The following MACROD2 variants were observed in gnomAD, a reference collection of about 807,000 sequenced individuals.
MACROD2 encodes ADP-ribose glycohydrolase MACROD2.
A neutral mutation model predicts 70.4 loss-of-function variants in MACROD2; 36 were observed. That is an observed-to-expected ratio of 0.51 (90% confidence interval 0.39 to 0.68). The LOEUF (loss-of-function observed/expected upper bound fraction) is 0.68. Ranked by LOEUF, MACROD2 falls within the 30% of genes least tolerant of loss-of-function variation. MACROD2 has a pLI of 0.00. For synonymous variants in MACROD2, 172 were observed against 178.8 expected (o/e 0.96, Z 0.30); for missense variants, 496 against 538.4 (o/e 0.92, Z 0.78).
intron 15 of MACROD2, among the ~76,000 whole-genome samples, chr20:15,992,049 A>G (rs2066565807): frequency 6.6e-6 from 1 of 152,226 alleles, no homozygotes; most frequent in Admixed American, 6.5e-5. Flanking sequence ...AAAGTTAAAA[A>G]ACATAGAAGA....
At chr20:14,206,911 T>C (rs1297880336) in intron 3 of MACROD2, among the ~76,000 whole-genome samples, 1 of 152,188 alleles carries the variant, frequency 6.6e-6, no homozygotes, top group Non-Finnish European at 1.5e-5. Context: ...AAGAGATTTT[T>C]AAAATTTGTC....
intron 3 of MACROD2, among the ~76,000 whole-genome samples, chr20:14,475,153 G>A (rs2084576435): frequency 6.6e-6 from 1 of 151,564 alleles, no homozygotes; most frequent in East Asian, 1.9e-4. Context: ...GTTACCGTGA[G>A]GCTTGCATAA....
intron 5 of MACROD2, among the ~76,000 whole-genome samples, chr20:14,963,767 A>G (rs904641375): frequency 6.6e-6 from 1 of 152,168 alleles, no homozygotes; most frequent in African/African-American, 2.4e-5. Flanking sequence ...GTAGATTCAT[A>G]ATGATCAATC....
chr20:14,055,535 A>G (rs1371113138), intron 2 of MACROD2, among the ~76,000 whole-genome samples: 2 of 151,338 alleles, frequency 1.3e-5, no homozygotes, highest in Admixed American at 6.6e-5. Flanking sequence ...ATACATATAT[A>G]TACACATTTG....
intron 5 of MACROD2, among the ~76,000 whole-genome samples, chr20:14,734,343 G>GA (rs1181989175): frequency 2.0e-5 from 3 of 150,924 alleles, no homozygotes; most frequent in East Asian, 3.9e-4. Context: ...CTAAAAATAC[G>GA]AAAAAAAATT....
chr20:15,976,458 G>A (rs2066307594), intron 13 of MACROD2, among the ~76,000 whole-genome samples: 1 of 152,222 alleles, frequency 6.6e-6, no homozygotes, highest in Non-Finnish European at 1.5e-5. Flanking sequence ...AGAGGACAGT[G>A]GGGAGAATTC....
intron 5 of MACROD2, among the ~76,000 whole-genome samples, chr20:14,904,493 T>G (rs983914676): frequency 5.9e-5 from 9 of 152,144 alleles, no homozygotes; most frequent in African/African-American, 2.2e-4. Context: ...TATGCATATA[T>G]GTACATTAGT....
intron 4 of MACROD2, among the ~76,000 whole-genome samples, chr20:14,593,758 A>G (rs948349505): frequency 6.6e-6 from 1 of 152,182 alleles, no homozygotes; most frequent in Non-Finnish European, 1.5e-5. Flanking sequence ...GCATTTATAT[A>G]TTTATAAGAA....
chr20:14,180,870 A>T (rs2081299842), intron 3 of MACROD2, among the ~76,000 whole-genome samples: 1 of 152,106 alleles, frequency 6.6e-6, no homozygotes. Flanking sequence ...TTCATATTTT[A>T]AAGTTATTTT....
chr20:15,878,981 G>A (rs2064715099), intron 9 of MACROD2, among the ~76,000 whole-genome samples: 1 of 152,066 alleles, frequency 6.6e-6, no homozygotes, highest in Admixed American at 6.6e-5. Flanking sequence ...GAGATACAGT[G>A]AACAAAAACA....
chr20:14,223,728 G>A (rs1450359576), intron 3 of MACROD2, among the ~76,000 whole-genome samples: 3 of 152,016 alleles, frequency 2.0e-5, no homozygotes, highest in South Asian at 2.1e-4. Flanking sequence ...GGCTGGTCTC[G>A]ACCTTGTGAT....
intron 3 of MACROD2, among the ~76,000 whole-genome samples, chr20:14,458,033 A>G (rs375529): frequency 0.95 from 144,687 of 151,822 alleles, 69,402 homozygotes; most frequent in East Asian, 1. Context: ...CCCAGGAGGC[A>G]GAGTTTGCAG....
intron 3 of MACROD2, among the ~76,000 whole-genome samples, chr20:14,176,232 A>G (rs967163234): frequency 6.6e-6 from 1 of 152,232 alleles, no homozygotes; most frequent in Non-Finnish European, 1.5e-5. Flanking sequence ...CTGTGGTGAC[A>G]GAAGGCATTT....
In MACROD2 at chr20:14,494,496, ACATGTCAGTG is replaced by A. The variant is rs141777488; in HGVS notation, c.301+994_301+1003del. Among the ~76,000 whole-genome samples the A allele has an allele frequency of 1.5e-3, 229 of 152,288 alleles. 2 individuals are homozygous for A. The highest frequency in any genetic ancestry group is 5.3e-3 in the African/African-American group (220 of 41,584). Reference sequence around the variant, plus strand: ...ACTAGGAAGTGCTCTTCGTATTATCACATGTCAGTGCATGTTCTGTACCAGAGTATCATGA... The same window carrying A: ...ACTAGGAAGTGCTCTTCGTATTATCACATGTTCTGTACCAGAGTATCATGA... On this transcript the variant is annotated intron_variant, in intron 4 of 17. Transcript: ENST00000684519.
intron 9 of MACROD2, among the ~76,000 whole-genome samples, chr20:15,874,165 A>G (rs1001778745): frequency 3.4e-5 from 5 of 149,134 alleles, no homozygotes; most frequent in African/African-American, 1.2e-4. Context: ...AACATGCAGC[A>G]TTTGGTTTTC....
intron 9 of MACROD2, among the ~76,000 whole-genome samples, chr20:15,880,587 G>A (rs1273145977): frequency 6.6e-6 from 1 of 151,954 alleles, no homozygotes; most frequent in East Asian, 1.9e-4. Flanking sequence ...GTAGGAGTGA[G>A]GAGACTCAGG....
rs185635141 is a variant in MACROD2, at chr20:15,164,916, C to T, written c.419-65024C>T. Among the ~76,000 whole-genome samples the T allele has an allele frequency of 6.7e-3, 1,013 of 151,278 alleles. 9 individuals carry two copies. The highest frequency in any genetic ancestry group is 0.011 in the Non-Finnish European group (747 of 67,840). On this transcript the variant is annotated intron_variant, in intron 5 of 17. Coordinates refer to ENST00000684519, the MANE Select transcript of MACROD2 (RefSeq NM_001351661.2). Reference sequence around the variant, plus strand: ...ACTGTCTCTAAAAAAATAAATAAGCCGTAAAAATATCAATATCAGCATAAA... The same window carrying T: ...ACTGTCTCTAAAAAAATAAATAAGCTGTAAAAATATCAATATCAGCATAAA...
intron 4 of MACROD2, among the ~76,000 whole-genome samples, chr20:14,575,146 A>G (rs1044835741): frequency 6.6e-6 from 1 of 151,978 alleles, no homozygotes; most frequent in Non-Finnish European, 1.5e-5. Flanking sequence ...TATTTACCAA[A>G]TTGGAAATTA....
intron 8 of MACROD2, among the ~76,000 whole-genome samples, chr20:15,596,950 C>G (rs1452693991): frequency 6.6e-6 from 1 of 152,196 alleles, no homozygotes; most frequent in Admixed American, 6.5e-5. Context: ...GATTTTGGCT[C>G]AGGCATAAGA....
Sources: gnomAD v4.1 joint callset for allele counts (sites outside exome capture counted in the v4.1 genomes callset) on GRCh38, gnomAD v4.1.1 for gene constraint, MANE v1.5 for transcripts, NCBI Gene and HGNC (gene_info 2026-07-23, HGNC 2026-07-21) for gene names.